Variants in CACNB3 observed in about 807,000 individuals in gnomAD.
CACNB3 encodes calcium voltage-gated channel auxiliary subunit beta 3.
A neutral mutation model predicts 63.7 loss-of-function variants in CACNB3; 36 were observed. The ratio of observed to expected loss-of-function variants is 0.57; its 90% CI spans 0.43 to 0.75. CACNB3 has a LOEUF of 0.75. CACNB3 is among the 30% of genes least tolerant of loss of function. The pLI is 0.00. For synonymous variants in CACNB3, 241 were observed against 250.6 expected (o/e 0.96, Z 0.36); for missense variants, 493 against 648.6 (o/e 0.76, Z 2.61).
chr12:48,825,352 G>T lies in CACNB3; in HGVS notation c.574-82G>T. Reference sequence around the variant, plus strand: ...CTCCTCCGTCCAGGGTGTGTATGTGGAGCGCATTGACTCTGGGGCCATGCA... The same window carrying T: ...CTCCTCCGTCCAGGGTGTGTATGTGTAGCGCATTGACTCTGGGGCCATGCA... On this transcript the variant is annotated intron_variant, in intron 7 of 12. Coordinates refer to ENST00000301050, the MANE Select transcript of CACNB3 (RefSeq NM_000725.4). This position sits in a 1 kb window ranked among gnomAD's most constrained non-coding sequence, Gnocchi z 4.5. 1 of 1,567,162 alleles carries T rather than the reference G, an allele frequency of 6.4e-7. No individual in the cohort carries two copies. Among genetic ancestry groups the T allele is most frequent in the South Asian group, 1.1e-5 (1 of 90,010 alleles).
chr12:48,825,122 C>T lies in CACNB3; in HGVS notation c.493-41C>T, dbSNP rs1345550235. The T allele has an allele frequency of 3.1e-6, 5 of 1,605,616 alleles. No individual in the cohort carries two copies. The highest frequency in any genetic ancestry group is 1.7e-5 in the Admixed American group (1 of 59,972). On this transcript the variant is annotated intron_variant, in intron 6 of 12. Transcript: ENST00000301050. This position sits in a 1 kb window ranked among gnomAD's most constrained non-coding sequence, Gnocchi z 4.5. Reference sequence around the variant, plus strand: ...ACGCCAACCAGGCATGAGACAGGCACCAGGGCCATGGTTTCTACTGACCTC... The same window carrying T: ...ACGCCAACCAGGCATGAGACAGGCATCAGGGCCATGGTTTCTACTGACCTC...
chr12:48,818,960 G>A lies in CACNB3; in HGVS notation c.31G>A (p.Glu11Lys), dbSNP rs895552408. MYDDSYVPGF[E>K]DSEAGSADSY... ...TGACGACTCCTACGTGCCCGGGTTT[G>A]AGGACTCGGAGGCGGTGAGTGCCCA... The change falls in exon 1 of 13, where the codon GAG becomes AAG. Residue 11 changes from glutamate to lysine, a missense_variant. By Grantham distance (56) the Glu-to-Lys change is moderately conservative. Transcript: ENST00000301050. This position sits in a 1 kb window ranked among gnomAD's most constrained non-coding sequence, Gnocchi z 4.3. 6.2e-7 allele frequency: 1 copy of A among 1,605,612 alleles called. No homozygotes were observed. Among genetic ancestry groups the A allele is most frequent in the African/African-American group, 1.3e-5 (1 of 74,812 alleles).
At chr12:48,814,609 G>T (rs1195156637), upstream of CACNB3, 2 of 1,475,830 alleles carry the variant, frequency 1.4e-6, no homozygotes, top group African/African-American at 2.9e-5. This position sits in a 1 kb window ranked among gnomAD's most constrained non-coding sequence, Gnocchi z 6.9. Flanking sequence ...AGCCCCACGG[G>T]GTGGGAATAA....
In CACNB3 at chr12:48,828,748, C is replaced by T. The variant is rs1433211082; in HGVS notation, c.*849C>T. Reference sequence around the variant, plus strand: ...TTGTCCCTCATACATCTTTGGAGAACCGGGCTCCAGACTTTGTTCCCTGAC... The same window carrying T: ...TTGTCCCTCATACATCTTTGGAGAATCGGGCTCCAGACTTTGTTCCCTGAC... On this transcript the variant is annotated 3_prime_UTR_variant, in exon 13 of 13. Transcript: ENST00000301050. The T allele has an allele frequency of 2.2e-6, 1 of 456,362 alleles. No homozygotes were observed. Among genetic ancestry groups the T allele is most frequent in the Non-Finnish European group, 4.4e-6 (1 of 226,784 alleles). The allele number at this position is 456,362 out of a possible 1,614,324, so 28.3% of individuals were successfully genotyped here.
chr12:48,817,675 T>C (rs1399754435), upstream of CACNB3, among the ~76,000 whole-genome samples: 1 of 151,904 alleles, frequency 6.6e-6, no homozygotes, highest in Non-Finnish European at 1.5e-5. Flanking sequence ...TGGTGCAGAG[T>C]GGTACAAGCC....
upstream of CACNB3, chr12:48,815,453 G>T (rs1413178883): frequency 4.3e-5 from 42 of 968,694 alleles, no homozygotes; most frequent in Non-Finnish European, 6.2e-5. Context: ...GAAAGGCAGG[G>T]AGAGCCAGAG....
chr12:48,826,885 C>T lies in CACNB3; in HGVS notation c.990+31C>T. 3 of 1,612,122 alleles carry T rather than the reference C, an allele frequency of 1.9e-6. No homozygotes were observed. The highest frequency in any genetic ancestry group is 2.2e-5 in the South Asian group (2 of 91,020). On this transcript the variant is annotated intron_variant, in intron 11 of 12. Transcript: ENST00000301050. The surrounding 1 kb of genome is among the most constrained non-coding windows in gnomAD (Gnocchi z 4.8). The stretch of plus-strand genomic sequence containing the variant: ...TGCCTGGGTCAGCTGCTCCTGTGCC[C>T]ACTCCCCCAGGGCTGCGGCAGTGAT...
intron 1 of CACNB3, among the ~76,000 whole-genome samples, chr12:48,821,651 G>A (rs890690927): frequency 6.6e-6 from 1 of 152,116 alleles, no homozygotes; most frequent in Admixed American, 6.5e-5. Context: ...CTCCCAGTCT[G>A]TTGGCCCCTG....
chr12:48,827,082 C>A lies in CACNB3; in HGVS notation c.1099C>A (p.Pro367Thr). 2 of 1,613,268 alleles carry A rather than the reference C, an allele frequency of 1.2e-6. No homozygotes were observed. Among genetic ancestry groups the A allele is most frequent in the African/African-American group, 2.7e-5 (2 of 75,018 alleles). The stretch of plus-strand genomic sequence containing the variant: ...GGCCACGCACCACCCAGCCCCTGGC[C>A]CCGGACTTCTGGGTCCTCCCAGTGC... ...WRATHHPAPG[P>T]GLLGPPSAIP... The change falls in exon 12 of 13, where the codon CCC becomes ACC. Residue 367 changes from proline (P) to threonine (T), a missense_variant. Coordinates refer to ENST00000301050, the MANE Select transcript of CACNB3 (RefSeq NM_000725.4).
chr12:48,818,977 G>A lies in CACNB3; in HGVS notation c.45+3G>A. 6.2e-7 allele frequency: 1 copy of A among 1,605,790 alleles called. No homozygotes were observed. Among genetic ancestry groups the A allele is most frequent in the Non-Finnish European group, 8.5e-7 (1 of 1,176,400 alleles). ...CCGGGTTTGAGGACTCGGAGGCGGT[G>A]AGTGCCCACGATGAGGGTGGGGGCG... On this transcript the variant is annotated splice_donor_region_variant and intron_variant, in intron 1 of 12. Transcript: ENST00000301050. The surrounding 1 kb of genome is among the most constrained non-coding windows in gnomAD (Gnocchi z 4.3).
chr12:48,823,430 A>G lies in CACNB3; in HGVS notation c.132A>G (p.Val44=). Residue 44 remains valine, a synonymous_variant, in exon 2 of 13, where the codon GTA becomes GTG. Transcript: ENST00000301050. The surrounding 1 kb of genome is among the most constrained non-coding windows in gnomAD (Gnocchi z 4.2). ...ACCGGGAGAGTGCCCGGCGTGAAGT[A>G]GAGAGCCAGGCTCAGCAGCAGCTCG... The part of the protein sequence containing the change: ...EEDRESARRE[V]ESQAQQQLER... The G allele has an allele frequency of 6.2e-6, 10 of 1,614,158 alleles. No homozygotes were observed. Among genetic ancestry groups the G allele is most frequent in the Non-Finnish European group, 8.5e-6 (10 of 1,179,994 alleles).
chr12:48,827,242 A>C, intron 12 of CACNB3, 119 bp downstream of exon 12: 9 of 1,274,708 alleles, frequency 7.1e-6, no homozygotes, highest in African/African-American at 2.9e-5. Context: ...TAGAACTCTC[A>C]GCTCTGCTGT....
Position 48,827,977 on chromosome 12 carries a change from C to G in CACNB3, c.*78C>G. ...CCACTCCAGGCAGGGTGGCGTTAGACTGGCATCAGGCTGGCACTAGGCTCA... is the reference window on the plus strand; with the variant it reads ...CCACTCCAGGCAGGGTGGCGTTAGAGTGGCATCAGGCTGGCACTAGGCTCA... On this transcript the variant is annotated 3_prime_UTR_variant, in exon 13 of 13. Transcript: ENST00000301050. 1 of 1,261,460 alleles carries G rather than the reference C, an allele frequency of 7.9e-7. No homozygotes were observed. The highest frequency in any genetic ancestry group is 1.1e-6 in the Non-Finnish European group (1 of 892,922). 78.1% of individuals were successfully genotyped at this position (1,261,460 alleles called of 1,614,324 possible).
At chr12:48,824,526 C>T (rs1938022590) in intron 4 of CACNB3, 143 bp from the exon 5 acceptor site, 1 of 1,043,280 alleles carries the variant, frequency 9.6e-7, no homozygotes. Context: ...AACAAATCTA[C>T]AAACACACAC....
In CACNB3 at chr12:48,820,116, G is replaced by A. The variant is rs566004167; in HGVS notation, c.45+1142G>A. 7 of 157,358 alleles carry A rather than the reference G, an allele frequency of 4.4e-5. No homozygotes were observed. The South Asian group carries it at 1.3e-3, about 29-fold the overall frequency. The allele number at this position is 157,358 out of a possible 1,614,324, so 9.7% of individuals were successfully genotyped here. A position where few individuals can be genotyped will look rare whatever the true frequency, so the allele number is the denominator to read the frequency against. ...CAGAATAGGCAACTGTCCTTTTCTGGGACTGGTCTCCTTCTGGGCCCAATT... is the reference window on the plus strand; with the variant it reads ...CAGAATAGGCAACTGTCCTTTTCTGAGACTGGTCTCCTTCTGGGCCCAATT... On this transcript the variant is annotated intron_variant, in intron 1 of 12. Coordinates refer to ENST00000301050, the MANE Select transcript of CACNB3 (RefSeq NM_000725.4).
chr12:48,827,628 T>A lies in CACNB3; in HGVS notation c.1184T>A (p.Leu395His), dbSNP rs1333626148. ...LGERGEEHSPLERDSLMPSDE... is the reference protein window; with the variant it reads ...LGERGEEHSPHERDSLMPSDE... ...GAGCGTGGCGAGGAGCACTCCCCCC[T>A]TGAGCGGGACAGCTTGATGCCCTCT... is the stretch of plus-strand genomic sequence containing the variant. Residue 395 changes from leucine (L) to histidine (H), a missense_variant, in exon 13 of 13, where the codon CTT becomes CAT. Leu to His is a moderately conservative substitution (Grantham distance 99). Transcript: ENST00000301050. The A allele has an allele frequency of 6.2e-7, 1 of 1,613,478 alleles. No individual in the cohort carries two copies. The highest frequency in any genetic ancestry group is 8.5e-7 in the Non-Finnish European group (1 of 1,179,966).
rs1250422211 is a variant in CACNB3 at position 48,827,850 on chromosome 12, G to A, written c.1406G>A (p.Ser469Asn). ...GCCCAGGACTCAGAGCACAACCACA[G>A]TGACCGGAACTGGCAGCGCAACCGG... The part of the protein sequence containing the change: ...LLAQDSEHNH[S>N]DRNWQRNRPW... The change falls in exon 13 of 13, where the codon AGT (serine) becomes AAT (asparagine). Residue 469 changes from serine to asparagine, a missense_variant. By Grantham distance (46) the Ser-to-Asn change is conservative (BLOSUM62 1). Transcript: ENST00000301050. The A allele has an allele frequency of 1.2e-6, 2 of 1,614,130 alleles. No individual in the cohort carries two copies. Among genetic ancestry groups the A allele is most frequent in the Non-Finnish European group, 1.7e-6 (2 of 1,180,018 alleles).
At chr12:48,815,663 G>T (rs1415517027), upstream of CACNB3, 5 of 1,534,312 alleles carry the variant, frequency 3.3e-6, no homozygotes, top group African/African-American at 6.8e-5. Context: ...CCCGGGGGAG[G>T]GGGAGAGGCC....
In CACNB3 at chr12:48,827,717, C is replaced by T. The variant is rs201476518; in HGVS notation, c.1273C>T (p.Leu425=). Residue 425 remains leucine, a synonymous_variant, in exon 13 of 13, where the codon CTG becomes TTG. Transcript: ENST00000301050. ...TGSSQRSSRH[L]EEDYADAYQD... ...ATCTTCACAGCGTAGCTCCCGCCAC[C>T]TGGAGGAGGACTATGCAGATGCCTA... 19 of 1,614,142 alleles carry T rather than the reference C, an allele frequency of 1.2e-5. No individual in the cohort carries two copies. The highest frequency in any genetic ancestry group is 1.4e-5 in the Non-Finnish European group (17 of 1,180,032).
Sources: gnomAD v4.1 joint callset for allele counts (sites outside exome capture counted in the v4.1 genomes callset) on GRCh38, gnomAD v4.1.1 for gene constraint, Gnocchi (gnomAD v3.1) non-coding constraint, MANE v1.5 for transcripts, NCBI Gene and HGNC (gene_info 2026-07-23, HGNC 2026-07-21) for gene names.